The following CLCN2 variants were observed in gnomAD, a reference collection of about 807,000 sequenced individuals.
The protein encoded by CLCN2 is chloride channel protein 2.
In CLCN2, 72 loss-of-function variants were observed where a neutral mutation model predicts 108.3. The observed-to-expected ratio is 0.66, with a 90% confidence interval of 0.55 to 0.81. The LOEUF (loss-of-function observed/expected upper bound fraction) is 0.81, where lower values mean the gene tolerates loss of function less well. Among genes scored for constraint, CLCN2 ranks in the 30% least tolerant of loss-of-function variants. CLCN2 has a pLI of 0.00. For missense variants in CLCN2, 1,048 were observed against 1,205.2 expected (o/e 0.87, Z 1.93); for synonymous variants, 471 against 467.1 (o/e 1.01, Z -0.11).
At position 184,357,382 on chromosome 3, in the gene CLCN2, G is replaced by T; in HGVS notation, c.878C>A (p.Ala293Glu). 1 of 1,614,076 alleles carries T rather than the reference G, an allele frequency of 6.2e-7. No individual in the cohort carries two copies. The highest frequency in any genetic ancestry group is 8.5e-7 in the Non-Finnish European group (1 of 1,180,016). ...TFSAFIFRVL[A>E]VWNRDEETIT... ...CCCACCTTCATCCCGGTTCCAGACTGCCAAGACCCGGAAGATGAAGGCACT... is the reference window on the plus strand; with the variant it reads ...CCCACCTTCATCCCGGTTCCAGACTTCCAAGACCCGGAAGATGAAGGCACT... Residue 293 changes from alanine (A) to glutamate (E), a missense_variant, in exon 8 of 24, where the codon GCA (alanine) becomes GAA (glutamate). Physicochemically the swap from Ala to Glu is moderately radical, Grantham distance 107. Coordinates refer to ENST00000265593, the MANE Select transcript of CLCN2 (RefSeq NM_004366.6).
Position 184,357,498 on chromosome 3 carries a change from G to C in CLCN2, c.773-11C>G. 1 of 1,614,160 alleles carries C rather than the reference G, an allele frequency of 6.2e-7. No homozygotes were observed. Among genetic ancestry groups the C allele is most frequent in the Non-Finnish European group, 8.5e-7 (1 of 1,180,030 alleles). On this transcript the variant is annotated splice_polypyrimidine_tract_variant and intron_variant, in intron 7 of 23. Coordinates refer to ENST00000265593, the MANE Select transcript of CLCN2 (RefSeq NM_004366.6). Reference sequence around the variant, plus strand: ...TGCTGAAGAGGACGCCTGTGAGGGGGAGGGAGACCAGCACTTGAGGCCTGG... The same window carrying C: ...TGCTGAAGAGGACGCCTGTGAGGGGCAGGGAGACCAGCACTTGAGGCCTGG...
chr3:184,351,966 G>T, intron 22 of CLCN2, 47 bp downstream of exon 22: 3 of 1,371,886 alleles, frequency 2.2e-6, no homozygotes, highest in Non-Finnish European at 3.1e-6. Flanking sequence ...GATCCCCACT[G>T]TGTCCTGAGA....
At position 184,359,017 on chromosome 3, in the gene CLCN2, C is replaced by T. The variant is rs1184538669; in HGVS notation, c.178G>A (p.Glu60Lys). 1 of 1,613,560 alleles carries T rather than the reference C, an allele frequency of 6.2e-7. No individual in the cohort carries two copies. Among genetic ancestry groups the T allele is most frequent in the Non-Finnish European group, 8.5e-7 (1 of 1,180,050 alleles). Residue 60 changes from glutamate (E) to lysine (K), a missense_variant, in exon 2 of 24, where the codon GAG becomes AAG. Glu to Lys is a moderately conservative substitution (Grantham distance 56). Coordinates refer to ENST00000265593, the MANE Select transcript of CLCN2 (RefSeq NM_004366.6). The stretch of plus-strand genomic sequence containing the variant: ...CGGCTCCGTCCATATTCCAAGAGCT[C>T]TGGGGCAGCCCGAGAGGAAGGGGGA... ...KGPPSSRAAP[E>K]LLEYGRSRCA...
chr3:184,355,359 A>G lies in CLCN2; in HGVS notation c.1326+15T>C. 6.2e-7 allele frequency: 1 copy of G among 1,613,664 alleles called. No homozygotes were observed. ...AGCTATGTAAAGGTTAGCAGTGTACACGTGAGGAGCCCACCTTCATGAGAA... is the reference window on the plus strand; with the variant it reads ...AGCTATGTAAAGGTTAGCAGTGTACGCGTGAGGAGCCCACCTTCATGAGAA... On this transcript the variant is annotated intron_variant, in intron 12 of 23. Coordinates refer to ENST00000265593, the MANE Select transcript of CLCN2 (RefSeq NM_004366.6). The surrounding 1 kb of genome is among the most constrained non-coding windows in gnomAD (Gnocchi z 6.3).
Position 184,358,264 on chromosome 3 carries a change from C to T in CLCN2, c.399G>A (p.Gln133=), listed in dbSNP as rs745499583. The stretch of plus-strand genomic sequence containing the variant: ...CAGGGTAGGTGACCCAGGCCAGGTA[C>T]TGGAGCAAGATGCTGGTGTTCAAGC... ...SRGLNTSILL[Q]YLAWVTYPVV... Residue 133 remains glutamine (Q), a synonymous_variant, in exon 4 of 24, where the codon CAG becomes CAA. Transcript: ENST00000265593. The T allele has an allele frequency of 6.2e-7, 1 of 1,614,172 alleles. No homozygotes were observed. The highest frequency in any genetic ancestry group is 1.7e-5 in the Admixed American group (1 of 60,018).
rs746053554 is a variant in CLCN2, at chr3:184,356,992, C to T, written c.1085+1G>A. 1 of 1,610,588 alleles carries T rather than the reference C, an allele frequency of 6.2e-7. No individual in the cohort carries two copies. The highest frequency in any genetic ancestry group is 8.5e-7 in the Non-Finnish European group (1 of 1,177,690). ...CTGGAGAGGAGCCGAGAGCCACTCA[C>T]TTCCTCATGAGGAAGCGATTGATGG... On this transcript the variant is annotated splice_donor_variant, in intron 10 of 23. Coordinates refer to ENST00000265593, the MANE Select transcript of CLCN2 (RefSeq NM_004366.6). LOFTEE classifies it high-confidence loss of function.
At position 184,353,378 on chromosome 3, in the gene CLCN2, C is replaced by A; in HGVS notation, c.1900G>T (p.Ala634Ser). 5.0e-6 allele frequency: 8 copies of A among 1,612,914 alleles called. No homozygotes were observed. The highest frequency in any genetic ancestry group is 6.8e-6 in the Non-Finnish European group (8 of 1,179,802). Residue 634 changes from alanine to serine, a missense_variant, in exon 17 of 24, where the codon GCA becomes TCA. Ala to Ser is a moderately conservative substitution (Grantham distance 99). Transcript: ENST00000265593. Reference protein sequence around the residue: ...LGSIERSQVVALLGAQLSPAR... With the variant: ...LGSIERSQVVSLLGAQLSPAR... Reference sequence around the variant, plus strand: ...GGGCTCAGCTGGGCCCCCAACAATGCCACCACCTGTGAACGCTCGATGGAG... The same window carrying A: ...GGGCTCAGCTGGGCCCCCAACAATGACACCACCTGTGAACGCTCGATGGAG...
chr3:184,359,160 C>T (rs777991460), intron 1 of CLCN2, 29 bp from the exon 2 acceptor site: 10 of 1,613,360 alleles, frequency 6.2e-6, no homozygotes, highest in South Asian at 2.2e-5. Context: ...TGGGGGCATT[C>T]GAGGTCATGG....
Position 184,357,494 on chromosome 3 carries a change from G to T in CLCN2, c.773-7C>A. The T allele has an allele frequency of 6.2e-7, 1 of 1,614,168 alleles. No individual in the cohort carries two copies. The highest frequency in any genetic ancestry group is 1.3e-5 in the African/African-American group (1 of 75,078). ...TCGATGCTGAAGAGGACGCCTGTGA[G>T]GGGGAGGGAGACCAGCACTTGAGGC... On this transcript the variant is annotated splice_region_variant and splice_polypyrimidine_tract_variant and intron_variant, in intron 7 of 23. Transcript: ENST00000265593.
Position 184,355,076 on chromosome 3 carries a change from A to C in CLCN2, c.1327-103T>G. On this transcript the variant is annotated intron_variant, in intron 12 of 23. Transcript: ENST00000265593. This position sits in a 1 kb window ranked among gnomAD's most constrained non-coding sequence, Gnocchi z 6.3. ...CTACCTCGCTGATCAGGTGGGCGTA[A>C]CCCTCCCAGCCACCCCGTAACCCTC... 2 of 1,156,630 alleles carry C rather than the reference A, an allele frequency of 1.7e-6. No homozygotes were observed. Among genetic ancestry groups the C allele is most frequent in the South Asian group, 2.5e-5 (2 of 78,588 alleles). 71.6% of individuals were successfully genotyped at this position (1,156,630 alleles called of 1,614,324 possible).
At position 184,355,886 on chromosome 3, in the gene CLCN2, C is replaced by A; in HGVS notation, c.1086-108G>T. 1 of 851,678 alleles carries A rather than the reference C, an allele frequency of 1.2e-6. No individual in the cohort carries two copies. Among genetic ancestry groups the A allele is most frequent in the South Asian group, 1.4e-5 (1 of 70,086 alleles). The allele number at this position is 851,678 out of a possible 1,614,324, so 52.8% of individuals were successfully genotyped here. ...GCCTTGGCTCTTTCATGAAAACACT[C>A]AGTCCTGACAGAAGGTCTCCTTTGC... On this transcript the variant is annotated intron_variant, in intron 10 of 23. Coordinates refer to ENST00000265593, the MANE Select transcript of CLCN2 (RefSeq NM_004366.6). This position sits in a 1 kb window ranked among gnomAD's most constrained non-coding sequence, Gnocchi z 6.3.
In CLCN2 at chr3:184,357,456, G is replaced by A. The variant is rs369151756; in HGVS notation, c.804C>T (p.Thr268=). The stretch of plus-strand genomic sequence containing the variant: ...GCCAGTAGTTCCGCACTGCAAAGAA[G>A]GTGGAGGTGACCTCGATGCTGAAGA... The part of the protein sequence containing the change: ...GVLFSIEVTS[T]FFAVRNYWRG... The change falls in exon 8 of 24, where the codon ACC becomes ACT. Residue 268 remains threonine, a synonymous_variant. Coordinates refer to ENST00000265593, the MANE Select transcript of CLCN2 (RefSeq NM_004366.6). The A allele has an allele frequency of 1.2e-6, 2 of 1,614,092 alleles. No homozygotes were observed. The highest frequency in any genetic ancestry group is 2.7e-5 in the African/African-American group (2 of 74,946).
In CLCN2 at chr3:184,355,766, G is replaced by A. The variant is rs1728504832; in HGVS notation, c.1098C>T (p.Phe366=). 6.2e-7 allele frequency: 1 copy of A among 1,614,208 alleles called. No individual in the cohort carries two copies. Among genetic ancestry groups the A allele is most frequent in the Non-Finnish European group, 8.5e-7 (1 of 1,180,028 alleles). The change falls in exon 11 of 24, where the codon TTC becomes TTT. Residue 366 remains phenylalanine, a synonymous_variant. Coordinates refer to ENST00000265593, the MANE Select transcript of CLCN2 (RefSeq NM_004366.6). The surrounding 1 kb of genome is among the most constrained non-coding windows in gnomAD (Gnocchi z 6.3). ...AGATGAGCAGGGTCACCAGAGCCGG[G>A]AAGAGCAGGCGTCTAGAGTCGTAGG... ...NRFLMRKRLL[F]PALVTLLIST...
At chr3:184,349,134 T>G (rs1055170768) in intron 22 of CLCN2, 1 of 152,244 alleles carries the variant, frequency 6.6e-6, no homozygotes, top group Non-Finnish European at 1.5e-5. Context: ...AAACATTCAT[T>G]TCTTCCACAC....
intron 13 of CLCN2, 112 bp downstream of exon 13, chr3:184,354,792 G>T: frequency 7.3e-7 from 1 of 1,379,148 alleles, no homozygotes; most frequent in Non-Finnish European, 1.0e-6. Flanking sequence ...GTGGGGTCAG[G>T]GTTCGGGCTA....
chr3:184,352,949 C>A, intron 18 of CLCN2, 84 bp downstream of exon 18: 1 of 1,516,362 alleles, frequency 6.6e-7, no homozygotes, highest in Non-Finnish European at 9.2e-7. Flanking sequence ...CTGGGATGTA[C>A]CCCAGCAACA....
intron 19 of CLCN2, 90 bp downstream of exon 19, chr3:184,352,647 G>T: frequency 6.7e-7 from 1 of 1,484,234 alleles, no homozygotes; most frequent in Non-Finnish European, 9.4e-7. Flanking sequence ...GAGAATAGAG[G>T]CAGGCACTGC....
At position 184,353,112 on chromosome 3, in the gene CLCN2, C is replaced by G. The variant is rs760835444; in HGVS notation, c.2064G>C (p.Arg688=). 4 of 1,614,168 alleles carry G rather than the reference C, an allele frequency of 2.5e-6. No individual in the cohort carries two copies. Among genetic ancestry groups the G allele is most frequent in the South Asian group, 2.2e-5 (2 of 91,090 alleles). ...NTEDSAFPAA[R]GETHKPLKPA... is the part of the protein sequence containing the mutation. ...GCTTTAGGGGCTTGTGGGTCTCCCC[C>G]CGGGCTGCTGGGAAGGCTGAGTCTT... The change falls in exon 18 of 24, where the codon CGG becomes CGC. Residue 688 remains arginine (R), a synonymous_variant. Coordinates refer to ENST00000265593, the MANE Select transcript of CLCN2 (RefSeq NM_004366.6).
chr3:184,354,716 T>C (rs1397223849), intron 13 of CLCN2, 58 bp from the exon 14 acceptor site: 12 of 1,347,672 alleles, frequency 8.9e-6, no homozygotes, highest in South Asian at 1.2e-5. Context: ...CAGGGGGCAC[T>C]AGGAAGAGAG....
Sources: gnomAD v4.1 joint callset for allele counts on GRCh38, gnomAD v4.1.1 for gene constraint, Gnocchi (gnomAD v3.1) non-coding constraint, MANE v1.5 for transcripts, NCBI Gene and HGNC (gene_info 2026-07-23, HGNC 2026-07-21) for gene names.